The following CELF2 variants were observed in gnomAD, a reference collection of about 807,000 sequenced individuals.
CELF2 encodes the protein CUGBP Elav-like family member 2.
CELF2 carries 8 observed loss-of-function variants against 62.6 expected under a neutral mutation model. The ratio of observed to expected loss-of-function variants is 0.13; its 90% CI spans 0.07 to 0.23. The LOEUF (loss-of-function observed/expected upper bound fraction) is 0.23. Ranked by LOEUF, CELF2 falls within the 10% of genes least tolerant of loss-of-function variation. The pLI is 1.00. For missense variants in CELF2, 333 were observed against 671.0 expected (o/e 0.50, Z 5.56); for synonymous variants, 258 against 250.0 (o/e 1.03, Z -0.30).
At chr10:11,289,723 A>C (rs2092195693) in intron 9 of CELF2, among the ~76,000 whole-genome samples, 1 of 152,220 alleles carries the variant, frequency 6.6e-6, no homozygotes, top group East Asian at 1.9e-4. Flanking sequence ...TATAATAAAC[A>C]CTATTCCTGA....
chr10:10,468,088 G>A, the CELF2 span, among the ~76,000 whole-genome samples: 1 of 152,010 alleles, frequency 6.6e-6, no homozygotes, highest in East Asian at 1.9e-4. Context: ...GACAAATCAG[G>A]AATGCAAGGC....
At chr10:10,698,571 C>A in the CELF2 span, among the ~76,000 whole-genome samples, 1 of 152,222 alleles carries the variant, frequency 6.6e-6, no homozygotes, top group Admixed American at 6.5e-5. Flanking sequence ...CCTACGTTCT[C>A]AGTAAACTGC....
At chr10:10,697,473 T>C in the CELF2 span, among the ~76,000 whole-genome samples, 1 of 152,128 alleles carries the variant, frequency 6.6e-6, no homozygotes, top group East Asian at 1.9e-4. Context: ...GTTGATATCT[T>C]AGTCTGTTCG....
chr10:10,793,652 C>G (rs2053979656), upstream of CELF2, among the ~76,000 whole-genome samples: 2 of 152,134 alleles, frequency 1.3e-5, no homozygotes, highest in East Asian at 1.9e-4. Context: ...ATGGAATTCC[C>G]TAATTTTCCA....
intron 1 of CELF2, among the ~76,000 whole-genome samples, chr10:11,164,850 C>A (rs1337082048): frequency 6.6e-6 from 1 of 152,170 alleles, no homozygotes; most frequent in African/African-American, 2.4e-5. Context: ...ATAGCTGGAC[C>A]GCTTTCCATT....
chr10:10,686,310 T>TTTGGGGGGGGG, the CELF2 span, among the ~76,000 whole-genome samples: 1 of 69,756 alleles, frequency 1.4e-5, no homozygotes, highest in Non-Finnish European at 2.9e-5. Flanking sequence ...TTGGATTTTT[T>TTTGGGGGGGGG]GGGGGGGGGG....
In CELF2 at chr10:11,328,623, C is replaced by T. The variant is rs949728249; in HGVS notation, c.1439-303C>T. Reference sequence around the variant, plus strand: ...AGGACTTGAAACACAATGATTTGAGCGAGTTCAGTAAGTGGAACTGAATTC... The same window carrying T: ...AGGACTTGAAACACAATGATTTGAGTGAGTTCAGTAAGTGGAACTGAATTC... On this transcript the variant is annotated intron_variant, in intron 12 of 12. Transcript: ENST00000633077. The surrounding 1 kb of genome is among the most constrained non-coding windows in gnomAD (Gnocchi z 6.4). Among the ~76,000 whole-genome samples the T allele has an allele frequency of 2.6e-5, 4 of 152,186 alleles. No individual in the cohort carries two copies. The highest frequency in any genetic ancestry group is 4.4e-5 in the Non-Finnish European group (3 of 68,034).
intron 1 of CELF2, among the ~76,000 whole-genome samples, chr10:10,891,396 C>G (rs953207459): frequency 1.4e-4 from 22 of 152,122 alleles, no homozygotes; most frequent in African/African-American, 5.1e-4. Flanking sequence ...ACAAAAATCT[C>G]AAAGATTTCT....
At chr10:10,829,488 G>C (rs2057673911) in intron 1 of CELF2, among the ~76,000 whole-genome samples, 2 of 152,072 alleles carry the variant, frequency 1.3e-5, no homozygotes, top group African/African-American at 4.8e-5. Flanking sequence ...TTCCAGGGAT[G>C]ACTTCCTGTA....
At chr10:10,618,765 T>C in the CELF2 span, among the ~76,000 whole-genome samples, 1 of 151,998 alleles carries the variant, frequency 6.6e-6, no homozygotes, top group African/African-American at 2.4e-5. Context: ...GGAGTGAGTT[T>C]AAAAGTAGAG....
At chr10:10,857,286 A>C (rs1372646027) in intron 1 of CELF2, among the ~76,000 whole-genome samples, 1 of 152,130 alleles carries the variant, frequency 6.6e-6, no homozygotes, top group East Asian at 1.9e-4. Flanking sequence ...TAGAGCTTTC[A>C]GAGAGGTGGG....
chr10:10,794,198 G>A (rs1411350416), upstream of CELF2, among the ~76,000 whole-genome samples: 6 of 152,078 alleles, frequency 3.9e-5, no homozygotes, highest in South Asian at 2.1e-4. Context: ...TTTTTAGCTC[G>A]CTCCATCTGC....
chr10:10,653,984 GAA>G, the CELF2 span, among the ~76,000 whole-genome samples: 5 of 150,942 alleles, frequency 3.3e-5, no homozygotes, highest in South Asian at 1.1e-3. Context: ...GACTAATAAA[GAA>G]AAAAAGAGAG....
the CELF2 span, among the ~76,000 whole-genome samples, chr10:10,489,587 T>G: frequency 6.6e-6 from 1 of 152,162 alleles, no homozygotes; most frequent in African/African-American, 2.4e-5. Context: ...GATTCTTATA[T>G]GTCAGTCAAA....
chr10:11,273,150 G>A (rs3780993), intron 7 of CELF2, among the ~76,000 whole-genome samples: 12,309 of 152,104 alleles, frequency 0.081, 635 homozygotes, highest in Middle Eastern at 0.13. Flanking sequence ...TAACCTGATA[G>A]TGTGAAGTCC....
the CELF2 span, among the ~76,000 whole-genome samples, chr10:10,740,818 A>C: frequency 6.6e-6 from 1 of 152,234 alleles, no homozygotes; most frequent in Non-Finnish European, 1.5e-5. Context: ...GCTAAGTGAA[A>C]TAAGCCACAG....
chr10:10,509,152 A>C, the CELF2 span, among the ~76,000 whole-genome samples: 1 of 152,158 alleles, frequency 6.6e-6, no homozygotes, highest in Non-Finnish European at 1.5e-5. Context: ...TTTTGCTTGC[A>C]TGCTGAATTT....
chr10:10,533,521 T>C, the CELF2 span, among the ~76,000 whole-genome samples: 1 of 152,210 alleles, frequency 6.6e-6, no homozygotes, highest in African/African-American at 2.4e-5. Context: ...TAAAACTACA[T>C]CTTGTTGAAT....
rs947021198 is a variant in CELF2 at position 11,214,246 on chromosome 10, C to T, written c.272-3179C>T. Among the ~76,000 whole-genome samples, 4 of 152,206 alleles carry T rather than the reference C, an allele frequency of 2.6e-5. No individual in the cohort carries two copies. On this transcript the variant is annotated intron_variant, in intron 2 of 12. Transcript: ENST00000633077. The surrounding 1 kb of genome is among the most constrained non-coding windows in gnomAD (Gnocchi z 4.2). ...GCAGTGAGCTGTGATCACACCACTG[C>T]ATTCCAGCCAGGACAACAGAGTGAC...
Sources: allele counts gnomAD v4.1 joint callset (sites outside exome capture counted in the v4.1 genomes callset), GRCh38; gene constraint gnomAD v4.1.1; non-coding constraint Gnocchi (gnomAD v3.1); transcripts MANE v1.5; gene names NCBI Gene and HGNC (gene_info 2026-07-23, HGNC 2026-07-21).